ZFAT: variants seen among roughly 807,000 people sequenced by gnomAD.
The protein encoded by ZFAT is zinc finger protein ZFAT.
Under a neutral mutation model 117.7 loss-of-function variants are expected in ZFAT, and 64 were observed. That is an observed-to-expected ratio of 0.54 (90% CI 0.44 to 0.67). The LOEUF is 0.67. Among genes scored for constraint, ZFAT ranks in the 30% least tolerant of loss-of-function variants. The pLI is 0.00. For missense variants in ZFAT, 1,433 were observed against 1,584.5 expected (o/e 0.90, Z 1.62); for synonymous variants, 679 against 615.0 (o/e 1.10, Z -1.54).
chr8:134,795,021 A>C, the ZFAT span: 1 of 152,230 alleles, frequency 6.6e-6, no homozygotes, highest in African/African-American at 2.4e-5. Flanking sequence ...AGAAAAGATG[A>C]ACAACTTGTT....
At chr8:134,765,558 C>T in the ZFAT span, 4 of 152,138 alleles carry the variant, frequency 2.6e-5, no homozygotes, top group Non-Finnish European at 5.9e-5. Flanking sequence ...TGCCAAGAAC[C>T]ACACAACTTG....
intron 10 of ZFAT, among the ~76,000 whole-genome samples, chr8:134,568,435 T>C (rs984455702): frequency 6.6e-6 from 1 of 152,222 alleles, no homozygotes; most frequent in Admixed American, 6.5e-5. Flanking sequence ...AGCATCATTA[T>C]TCTGGGCAGC....
chr8:134,771,396 TA>T, the ZFAT span, among the ~76,000 whole-genome samples: 3 of 152,306 alleles, frequency 2.0e-5, no homozygotes, highest in Admixed American at 6.5e-5. Flanking sequence ...AAATTTCTTC[TA>T]TCAGATACCC....
intron 2 of ZFAT, among the ~76,000 whole-genome samples, chr8:134,638,876 G>A (rs1830420360): frequency 6.6e-6 from 1 of 152,156 alleles, no homozygotes; most frequent in Non-Finnish European, 1.5e-5. Flanking sequence ...CAGCCTGGCT[G>A]ACATCCCCAA....
intron 15 of ZFAT, among the ~76,000 whole-genome samples, chr8:134,507,755 A>C (rs1228529212): frequency 6.6e-6 from 1 of 152,186 alleles, no homozygotes; most frequent in Non-Finnish European, 1.5e-5. Flanking sequence ...GCAGCAAATC[A>C]ATCTAGTTCT....
intron 10 of ZFAT, among the ~76,000 whole-genome samples, chr8:134,571,672 C>T (rs1023506142): frequency 1.3e-5 from 2 of 152,286 alleles, no homozygotes; most frequent in Non-Finnish European, 2.9e-5. Flanking sequence ...AGCACACTCT[C>T]CTACACAGCA....
chr8:134,588,324 C>G lies in ZFAT; in HGVS notation c.2635G>C (p.Ala879Pro), dbSNP rs1458657983. ...VQLKGLIGKR[A>P]MKCPYCDFYF... is the part of the protein sequence containing the mutation. ...AAGTCACAATATGGGCATTTCATGG[C>G]TCTCTTTCCAATTAGCCCTTTCAGC... Residue 879 changes from alanine (A) to proline (P), a missense_variant, in exon 9 of 16, where the codon GCC becomes CCC. Physicochemically the swap from Ala to Pro is conservative, Grantham distance 27. Transcript: ENST00000377838. 6.3e-7 allele frequency: 1 copy of G among 1,589,576 alleles called. No individual in the cohort carries two copies. Among genetic ancestry groups the G allele is most frequent in the Non-Finnish European group, 8.6e-7 (1 of 1,167,170 alleles).
In ZFAT at chr8:134,610,585, T is replaced by C. The variant is rs1828256574; in HGVS notation, c.519A>G (p.Pro173=). The change falls in exon 4 of 16, where the codon CCA becomes CCG. Residue 173 remains proline, a synonymous_variant. Coordinates refer to ENST00000377838, the MANE Select transcript of ZFAT (RefSeq NM_020863.4). ...GGACTTTCTCTGTTTTCTGTGACCG[T>C]GGTCTTTTCGAGGCTTTTTCCCGAT... ...EDDREKASKR[P]RSQKTEKVQK... is the part of the protein sequence containing the mutation. 1.2e-6 allele frequency: 2 copies of C among 1,614,096 alleles called. No individual in the cohort carries two copies. The highest frequency in any genetic ancestry group is 1.7e-6 in the Non-Finnish European group (2 of 1,180,052).
intron 1 of ZFAT, among the ~76,000 whole-genome samples, chr8:134,701,325 C>T (rs1834002312): frequency 6.6e-6 from 1 of 152,324 alleles, no homozygotes; most frequent in Non-Finnish European, 1.5e-5. Context: ...CCTCAAGGTT[C>T]ATCATGTGGT....
At chr8:134,486,302 C>T (rs765058979) in intron 15 of ZFAT, among the ~76,000 whole-genome samples, 1 of 152,100 alleles carries the variant, frequency 6.6e-6, no homozygotes, top group Non-Finnish European at 1.5e-5. Flanking sequence ...GCCTTCACTT[C>T]GGGAATTCCA....
At chr8:134,828,520 C>T in the ZFAT span, among the ~76,000 whole-genome samples, 1 of 152,196 alleles carries the variant, frequency 6.6e-6, no homozygotes, top group Admixed American at 6.5e-5. Flanking sequence ...AAGGTGAAGG[C>T]GTCACTGTTA....
Position 134,610,655 on chromosome 8 carries a change from C to A in ZFAT, c.449G>T (p.Gly150Val). 3 of 1,613,712 alleles carry A rather than the reference C, an allele frequency of 1.9e-6. No individual in the cohort carries two copies. The highest frequency in any genetic ancestry group is 2.5e-6 in the Non-Finnish European group (3 of 1,179,936). The change falls in exon 4 of 16, where the codon GGT (glycine) becomes GTT (valine). Residue 150 changes from glycine (G) to valine (V), a missense_variant and splice_region_variant. Transcript: ENST00000377838. ...LNLGEEEGEA[G>V]NESDLELEKK... The stretch of plus-strand genomic sequence containing the variant: ...TTCTAGTTCAAGGTCAGACTCGTTA[C>A]CTAAGGAGCAAATACCAAGATGCAT...
chr8:134,585,549 C>T (rs965103206), intron 9 of ZFAT, among the ~76,000 whole-genome samples: 1 of 152,106 alleles, frequency 6.6e-6, no homozygotes, highest in Admixed American at 6.5e-5. Flanking sequence ...GGAGAAGAAC[C>T]AAGCAAAGCA....
intron 3 of ZFAT, among the ~76,000 whole-genome samples, chr8:134,631,426 AG>A (rs1321897453): frequency 2.6e-5 from 4 of 152,214 alleles, no homozygotes; most frequent in Non-Finnish European, 5.9e-5. Flanking sequence ...ACGGGGCAGG[AG>A]TCGGGAGACA....
At chr8:134,576,263 A>T (rs1428395378) in intron 10 of ZFAT, among the ~76,000 whole-genome samples, 1 of 152,236 alleles carries the variant, frequency 6.6e-6, no homozygotes, top group East Asian at 1.9e-4. Flanking sequence ...TTCCCAGTGG[A>T]TCTTGTGGTT....
intron 13 of ZFAT, 77 bp from the exon 14 acceptor site, chr8:134,512,678 G>C (rs1002485419): frequency 6.5e-7 from 1 of 1,536,618 alleles, no homozygotes; most frequent in Non-Finnish European, 8.8e-7. Flanking sequence ...AACATACTAA[G>C]ATAGAACAAA....
At chr8:134,801,932 G>A in the ZFAT span, among the ~76,000 whole-genome samples, 1 of 152,128 alleles carries the variant, frequency 6.6e-6, no homozygotes, top group Non-Finnish European at 1.5e-5. Flanking sequence ...GAACTGTGGG[G>A]GGAAAAGCAC....
At chr8:134,632,328 T>A (rs1829944183) in intron 3 of ZFAT, among the ~76,000 whole-genome samples, 1 of 152,232 alleles carries the variant, frequency 6.6e-6, no homozygotes, top group Non-Finnish European at 1.5e-5. Flanking sequence ...ACATATAACA[T>A]ACCAAATATG....
chr8:134,521,919 T>TGGA (rs1563804502), intron 12 of ZFAT, among the ~76,000 whole-genome samples: 2 of 152,174 alleles, frequency 1.3e-5, no homozygotes, highest in East Asian at 3.9e-4. Context: ...AACTGTGAGC[T>TGGA]ACCCGATTCC....
Sources: allele counts gnomAD v4.1 joint callset (sites outside exome capture counted in the v4.1 genomes callset), GRCh38; gene constraint gnomAD v4.1.1; transcripts MANE v1.5; gene names NCBI Gene and HGNC (gene_info 2026-07-23, HGNC 2026-07-21).